The following MACROD2 variants were observed in gnomAD, a reference collection of about 807,000 sequenced individuals.
The protein encoded by MACROD2 is mono-ADP ribosylhydrolase 2.
MACROD2 carries 36 observed loss-of-function variants against 70.4 expected under a neutral mutation model. The observed-to-expected ratio is 0.51, with a 90% CI of 0.39 to 0.68. MACROD2 has a LOEUF of 0.68. MACROD2 is among the 30% of genes least tolerant of loss of function. MACROD2 has a pLI of 0.00. For synonymous variants in MACROD2, 172 were observed against 178.8 expected, an observed-to-expected ratio of 0.96 and a Z score of 0.30; for missense variants, 496 against 538.4, an observed-to-expected ratio of 0.92 and a Z score of 0.78.
chr20:15,460,867 C>T (rs1206325840), intron 7 of MACROD2, among the ~76,000 whole-genome samples: 1 of 150,950 alleles, frequency 6.6e-6, no homozygotes, highest in Non-Finnish European at 1.5e-5. Context: ...GCTCTGCACA[C>T]CCTAGAGAAA....
intron 7 of MACROD2, among the ~76,000 whole-genome samples, chr20:15,437,463 A>G (rs1382680813): frequency 1.3e-5 from 2 of 152,196 alleles, no homozygotes; most frequent in Admixed American, 1.3e-4. Flanking sequence ...TGCCCCAAAC[A>G]GAAACATGCC....
chr20:14,061,079 A>G (rs2053685537), intron 2 of MACROD2, among the ~76,000 whole-genome samples: 1 of 152,150 alleles, frequency 6.6e-6, no homozygotes, highest in Admixed American at 6.5e-5. Flanking sequence ...TTGTATATGT[A>G]TATACACCAT....
intron 3 of MACROD2, among the ~76,000 whole-genome samples, chr20:14,149,911 T>C (rs1601283074): frequency 1.3e-5 from 2 of 152,236 alleles, no homozygotes; most frequent in Admixed American, 1.3e-4. Flanking sequence ...CCCAGACAAA[T>C]CCTAAACCTT....
At chr20:14,430,385 G>A (rs1448773140) in intron 3 of MACROD2, among the ~76,000 whole-genome samples, 1 of 152,102 alleles carries the variant, frequency 6.6e-6, no homozygotes, top group African/African-American at 2.4e-5. Flanking sequence ...GTTCTGTCGT[G>A]CTAGGATCTA....
At chr20:14,946,443 A>G (rs1170920758) in intron 5 of MACROD2, among the ~76,000 whole-genome samples, 3 of 152,188 alleles carry the variant, frequency 2.0e-5, no homozygotes, top group Admixed American at 1.3e-4. Context: ...GTATTTAAAT[A>G]AAATACAAGG....
intron 2 of MACROD2, among the ~76,000 whole-genome samples, chr20:14,024,048 C>T (rs929528970): frequency 1.1e-4 from 16 of 152,086 alleles, no homozygotes; most frequent in African/African-American, 3.4e-4. Flanking sequence ...AATGTTTTTC[C>T]ATTTGTTTGT....
chr20:15,570,769 T>G (rs2048366956), intron 8 of MACROD2, among the ~76,000 whole-genome samples: 1 of 152,212 alleles, frequency 6.6e-6, no homozygotes, highest in Non-Finnish European at 1.5e-5. Flanking sequence ...TCACTCGAAT[T>G]GGACCAATTT....
intron 8 of MACROD2, among the ~76,000 whole-genome samples, chr20:15,776,288 T>G (rs1568554723): frequency 6.6e-6 from 1 of 152,120 alleles, no homozygotes; most frequent in Non-Finnish European, 1.5e-5. Flanking sequence ...GACACTTCCC[T>G]TACTCCCTTG....
intron 4 of MACROD2, among the ~76,000 whole-genome samples, chr20:14,496,571 T>A (rs778094850): frequency 6.6e-6 from 1 of 152,208 alleles, no homozygotes; most frequent in African/African-American, 2.4e-5. Flanking sequence ...TTTTCATCTT[T>A]GAGCTAGATA....
intron 5 of MACROD2, among the ~76,000 whole-genome samples, chr20:15,162,728 T>C (rs1348467079): frequency 6.6e-6 from 1 of 152,144 alleles, no homozygotes; most frequent in Non-Finnish European, 1.5e-5. Flanking sequence ...AGAAAAGTTA[T>C]CTTTTAAGAG....
chr20:15,061,904 A>T (rs374775589), intron 5 of MACROD2, among the ~76,000 whole-genome samples: 1 of 151,660 alleles, frequency 6.6e-6, no homozygotes, highest in South Asian at 2.1e-4. Flanking sequence ...CTTCAACAAG[A>T]CTCTTTGGGG....
At chr20:15,756,840 G>C (rs1310129082) in intron 8 of MACROD2, among the ~76,000 whole-genome samples, 1 of 152,156 alleles carries the variant, frequency 6.6e-6, no homozygotes, top group African/African-American at 2.4e-5. Context: ...TTCCAAGTTT[G>C]GATAATTTTA....
chr20:14,758,066 G>T, intron 5 of MACROD2: 1 of 573,120 alleles, frequency 1.7e-6, no homozygotes, highest in East Asian at 3.0e-5. Flanking sequence ...AATTTGGAGA[G>T]GGTTATTTTG....
intron 5 of MACROD2, among the ~76,000 whole-genome samples, chr20:14,797,038 G>T (rs997792819): frequency 6.6e-6 from 1 of 151,790 alleles, no homozygotes; most frequent in Non-Finnish European, 1.5e-5. Context: ...TCAATGAGGA[G>T]GTGAAGCCAA....
intron 3 of MACROD2, among the ~76,000 whole-genome samples, chr20:14,219,578 A>AT (rs1034893118): frequency 2.0e-5 from 3 of 152,096 alleles, no homozygotes; most frequent in Non-Finnish European, 4.4e-5. Flanking sequence ...AACTAGTGTG[A>AT]TTTTTTGGGT....
At chr20:15,353,792 ACAATGAGATAT>A (rs1460387189) in intron 6 of MACROD2, among the ~76,000 whole-genome samples, 1 of 89,970 alleles carries the variant, frequency 1.1e-5, no homozygotes, top group Non-Finnish European at 2.3e-5. Flanking sequence ...AATCAAAACC[ACAATGAGATAT>A]CATCTCACAC....
chr20:14,541,686 C>A (rs913460261), intron 4 of MACROD2, among the ~76,000 whole-genome samples: 1 of 151,882 alleles, frequency 6.6e-6, no homozygotes, highest in Non-Finnish European at 1.5e-5. Flanking sequence ...TATAAAACCG[C>A]CGGTATTATC....
chr20:15,049,100 A>G (rs2075418861), intron 5 of MACROD2, among the ~76,000 whole-genome samples: 1 of 152,152 alleles, frequency 6.6e-6, no homozygotes, highest in South Asian at 2.1e-4. Flanking sequence ...AAGAAAGAAC[A>G]TTATAGGAAC....
intron 10 of MACROD2, among the ~76,000 whole-genome samples, chr20:15,930,131 C>T (rs988192734): frequency 6.6e-5 from 10 of 152,112 alleles, no homozygotes; most frequent in Non-Finnish European, 1.0e-4. Flanking sequence ...ATTTCTTCAC[C>T]GTTATTGTAA....
Sources: gnomAD v4.1 joint callset for allele counts (sites outside exome capture counted in the v4.1 genomes callset) on GRCh38, gnomAD v4.1.1 for gene constraint, MANE v1.5 for transcripts, NCBI Gene and HGNC (gene_info 2026-07-23, HGNC 2026-07-21) for gene names.